The following ASPM variants were observed in gnomAD, a reference collection of about 807,000 sequenced individuals.
The protein encoded by ASPM is abnormal spindle-like microcephaly-associated protein.
Under a neutral mutation model 366.4 loss-of-function variants are expected in ASPM, and 256 were observed. That is an observed-to-expected ratio of 0.70 (90% CI 0.63 to 0.77). The LOEUF is 0.77. Ranked by LOEUF, ASPM falls within the 30% of genes least tolerant of loss-of-function variation. The pLI is 0.00. For missense variants in ASPM, 4,146 were observed against 4,090.4 expected (o/e 1.01, Z -0.37); for synonymous variants, 1,414 against 1,342.9 (o/e 1.05, Z -1.16).
rs760947678 is a variant in ASPM at position 197,137,701 on chromosome 1, A to T, written c.2026+2066T>A. Among the ~76,000 whole-genome samples, 61 of 152,274 alleles carry T rather than the reference A, an allele frequency of 4.0e-4. 1 individual carries two copies. Among genetic ancestry groups the T allele is most frequent in the Middle Eastern group, 3.4e-3 (1 of 294 alleles). On this transcript the variant is annotated intron_variant, in intron 4 of 27. Transcript: ENST00000367409. ...TCACCATGCCAGCCGGGCAGGTCAC[A>T]AACTCCTGACCTCAAGTGATCCGCC...
In ASPM at chr1:197,096,011, G is replaced by A. The variant is rs1303882816; in HGVS notation, c.8974C>T (p.Leu2992=). 2.5e-6 allele frequency: 4 copies of A among 1,608,052 alleles called. No individual in the cohort carries two copies. The highest frequency in any genetic ancestry group is 3.4e-6 in the Non-Finnish European group (4 of 1,175,702). Residue 2992 remains leucine, a synonymous_variant, in exon 19 of 28, where the codon CTA becomes TTA. Transcript: ENST00000367409. ...ATGATACATTACCGTGTTCTCTCTAGTTTGGTATAGAAGCAACCTTGAATA... is the reference window on the plus strand; with the variant it reads ...ATGATACATTACCGTGTTCTCTCTAATTTGGTATAGAAGCAACCTTGAATA... ...KIIQGCFYTK[L]ERTRFLNVRA...
intron 10 of ASPM, among the ~76,000 whole-genome samples, chr1:197,127,956 A>G (rs138154584): frequency 0.014 from 2,150 of 152,082 alleles, 48 homozygotes; most frequent in African/African-American, 0.046. Context: ...ACGAGGTCAG[A>G]AGATCGAGAC....
rs7541429 is a variant in ASPM at position 197,130,355 on chromosome 1, A to G, written c.2488-299T>C. Among the ~76,000 whole-genome samples the G allele has an allele frequency of 0.76, 115,963 of 152,118 alleles. 48,504 individuals carry two copies. The highest frequency in any genetic ancestry group is 0.98 in the East Asian group (5,075 of 5,184). ...TTTAAGTTAAAGAACTATCAAATAT[A>G]GGCATGTTGTTCAAATTTATTTATA... On this transcript the variant is annotated intron_variant, in intron 7 of 27. Coordinates refer to ENST00000367409, the MANE Select transcript of ASPM (RefSeq NM_018136.5).
At chr1:197,112,106 C>T (rs1038635668) in intron 17 of ASPM, among the ~76,000 whole-genome samples, 3 of 152,118 alleles carry the variant, frequency 2.0e-5, no homozygotes, top group African/African-American at 4.8e-5. Flanking sequence ...ATGGAATCAA[C>T]CTAAATGTCC....
Position 197,094,119 on chromosome 1 carries a change from C to T in ASPM, c.9049G>A (p.Ala3017Thr). 1.2e-6 allele frequency: 2 copies of T among 1,606,254 alleles called. No homozygotes were observed. Among genetic ancestry groups the T allele is most frequent in the Non-Finnish European group, 1.7e-6 (2 of 1,175,260 alleles). Residue 3017 changes from alanine to threonine, a missense_variant, in exon 20 of 28, where the codon GCA becomes ACA. By Grantham distance (58) the Ala-to-Thr change is moderately conservative. Coordinates refer to ENST00000367409, the MANE Select transcript of ASPM (RefSeq NM_018136.5). ...AAGAAGTGTTCATGAGCTATCTTTG[C>T]AGGAAGTATAGCTCTCCATTTTCTC... ...IQRKWRAILP[A>T]KIAHEHFLMI... is the part of the protein sequence containing the mutation.
intron 17 of ASPM, among the ~76,000 whole-genome samples, chr1:197,110,831 T>G (rs1000286704): frequency 6.6e-6 from 1 of 152,026 alleles, no homozygotes. Flanking sequence ...ATCTTTGACA[T>G]AGTTGACAAT....
chr1:197,128,750 C>T (rs1006676014), intron 9 of ASPM, 85 bp from the exon 10 acceptor site: 1 of 1,052,140 alleles, frequency 9.5e-7, no homozygotes. Context: ...TCATTCTGTA[C>T]ATATAAAAAT....
chr1:197,142,863 A>T lies in ASPM; in HGVS notation c.1389T>A (p.Ser463Arg), dbSNP rs1658637056. The T allele has an allele frequency of 6.2e-7, 1 of 1,613,282 alleles. No homozygotes were observed. Among genetic ancestry groups the T allele is most frequent in the East Asian group, 2.2e-5 (1 of 44,854 alleles). The change falls in exon 3 of 28, where the codon AGT becomes AGA. Residue 463 changes from serine (S) to arginine (R), a missense_variant. By Grantham distance (110) the Ser-to-Arg change is moderately radical. Around this residue, in one of 3 missense-constraint regions of ASPM, gnomAD observed 3,624 missense variants for 3,591.7 expected, o/e 1.01. Coordinates refer to ENST00000367409, the MANE Select transcript of ASPM (RefSeq NM_018136.5). ...ELVEMKSNYYSFIKQNNPKFS... is the reference protein window; with the variant it reads ...ELVEMKSNYYRFIKQNNPKFS... ...ATTTAGGATTATTTTGTTTTATAAA[A>T]CTGTAGTAATTTGACTTCATTTCTA...
At chr1:197,091,871 T>C (rs775703517) in intron 22 of ASPM, 36 bp downstream of exon 22, 15 of 1,598,748 alleles carry the variant, frequency 9.4e-6, no homozygotes. Context: ...ACAGAAAAAT[T>C]ATATCATATA....
At chr1:197,131,649 C>T (rs900634593) in intron 7 of ASPM, among the ~76,000 whole-genome samples, 7 of 151,654 alleles carry the variant, frequency 4.6e-5, no homozygotes, top group East Asian at 2.0e-4. Context: ...AGCTCCACCT[C>T]CCGGGTTCCC....
At chr1:197,124,815 A>T in intron 12 of ASPM, 55 bp downstream of exon 12, 1 of 1,367,628 alleles carries the variant, frequency 7.3e-7, no homozygotes, top group Non-Finnish European at 1.0e-6. Context: ...AATTGTTTTT[A>T]TAAATCAGTA....
At position 197,139,404 on chromosome 1, in the gene ASPM, G is replaced by A. The variant is rs866349685; in HGVS notation, c.2026+363C>T. The A allele has an allele frequency of 2.1e-4, 120 of 562,712 alleles. No homozygotes were observed. In the Middle Eastern group the frequency reaches 2.8e-3, roughly 13 times the overall value. 34.9% of individuals were successfully genotyped at this position (562,712 alleles called of 1,614,324 possible). Reference sequence around the variant, plus strand: ...GGTCAGGAGATTGCCCGACCACCCCGGCCAACACGGTGAAACCCCGTCTCC... The same window carrying A: ...GGTCAGGAGATTGCCCGACCACCCCAGCCAACACGGTGAAACCCCGTCTCC... On this transcript the variant is annotated intron_variant, in intron 4 of 27. Transcript: ENST00000367409.
At position 197,143,615 on chromosome 1, in the gene ASPM, T is replaced by C. The variant is rs200369222; in HGVS notation, c.637A>G (p.Ile213Val). 1.9e-6 allele frequency: 3 copies of C among 1,613,196 alleles called. No homozygotes were observed. The highest frequency in any genetic ancestry group is 2.7e-5 in the African/African-American group (2 of 75,056). Residue 213 changes from isoleucine to valine, a missense_variant, in exon 3 of 28, where the codon ATA (isoleucine) becomes GTA (valine). Coordinates refer to ENST00000367409, the MANE Select transcript of ASPM (RefSeq NM_018136.5). The stretch of plus-strand genomic sequence containing the variant: ...ATGGGTATTTTATTTTCTTCAAGTA[T>C]TAAAGAATTGTTTTCTGTTGGGGGA... ...GGPPTENNSL[I>V]LEENKIPISP...
chr1:197,092,478 C>T (rs575237420), intron 21 of ASPM, among the ~76,000 whole-genome samples: 1 of 152,048 alleles, frequency 6.6e-6, no homozygotes, highest in Non-Finnish European at 1.5e-5. Context: ...CAGCATAAGA[C>T]CCTGCAGAAG....
At chr1:197,087,321 C>A (rs889966137) in intron 26 of ASPM, among the ~76,000 whole-genome samples, 1 of 152,110 alleles carries the variant, frequency 6.6e-6, no homozygotes, top group Middle Eastern at 3.2e-3. Context: ...CGTGATCTGC[C>A]TACCTCAGCC....
In ASPM at chr1:197,104,455, CGTT is replaced by C. The variant is rs1657335577; in HGVS notation, c.4793_4795del (p.Gln1598del). Reference sequence around the variant, plus strand: ...TTTCTTCATCTTCTTATATTTCTGTCGTTGTTGATGTTTTCTTACATGTGCCTG... The same window carrying C: ...TTTCTTCATCTTCTTATATTTCTGTCGTTGATGTTTTCTTACATGTGCCTG... On this transcript the variant is annotated inframe_deletion, in exon 18 of 28. Transcript: ENST00000367409. 2.5e-6 allele frequency: 4 copies of C among 1,612,600 alleles called. No individual in the cohort carries two copies. The highest frequency in any genetic ancestry group is 2.7e-5 in the African/African-American group (2 of 74,744).
chr1:197,133,336 T>C lies in ASPM; in HGVS notation c.2419+14A>G. The C allele has an allele frequency of 6.2e-7, 1 of 1,600,226 alleles. No individual in the cohort carries two copies. The highest frequency in any genetic ancestry group is 8.5e-7 in the Non-Finnish European group (1 of 1,173,994). On this transcript the variant is annotated intron_variant, in intron 6 of 27. Coordinates refer to ENST00000367409, the MANE Select transcript of ASPM (RefSeq NM_018136.5). ...TTTAAAGAATTAATGTCAAGATTTC[T>C]GCAGTCTTCTTACCCACATCTTTCC...
Position 197,105,178 on chromosome 1 carries a change from C to T in ASPM, c.4073G>A (p.Trp1358Ter), listed in dbSNP as rs1202229266. ...TCTTTGTCTAGTGGAATATCTTCTC[C>T]AATATCCCTGGAAAAGGTAAGAAAG... is the stretch of plus-strand genomic sequence containing the variant. ...NKAASLIQGY[W>*]RRYSTRQRFL... The change falls in exon 18 of 28, where the codon TGG becomes TAG. Residue 1358 changes from tryptophan (W) to a stop codon, truncating the protein, a stop_gained. Transcript: ENST00000367409. LOFTEE classifies it high-confidence loss of function. The T allele has an allele frequency of 6.2e-7, 1 of 1,602,722 alleles. No homozygotes were observed. Among genetic ancestry groups the T allele is most frequent in the East Asian group, 2.2e-5 (1 of 44,658 alleles).
At chr1:197,088,462 T>C (rs750403055) in intron 25 of ASPM, 30 bp from the exon 26 acceptor site, 2 of 1,558,974 alleles carry the variant, frequency 1.3e-6, no homozygotes, top group Non-Finnish European at 1.8e-6. Flanking sequence ...AATTAAAAGT[T>C]GTAATAAACA....
Sources: allele counts gnomAD v4.1 joint callset (sites outside exome capture counted in the v4.1 genomes callset), GRCh38; gene constraint gnomAD v4.1.1; regional missense constraint gnomAD v4.1.1; transcripts MANE v1.5; gene names NCBI Gene and HGNC (gene_info 2026-07-23, HGNC 2026-07-21).